Variants in CTXND1 observed in about 807,000 individuals in gnomAD.
The protein encoded by CTXND1 is cortexin domain containing 1.
chr15:80,205,398 T>C (rs146142466), intron 1 of CTXND1, among the ~76,000 whole-genome samples: 74 of 152,376 alleles, frequency 4.9e-4, no homozygotes, highest in African/African-American at 1.7e-3. Flanking sequence ...AAATTCATTT[T>C]AATTCTGATT....
chr15:80,221,100 G>A (rs1437022923), intron 1 of CTXND1, among the ~76,000 whole-genome samples: 2 of 151,952 alleles, frequency 1.3e-5, no homozygotes, highest in East Asian at 1.9e-4. Flanking sequence ...TAGTAGAGAC[G>A]GGGTTTCACC....
At position 80,198,246 on chromosome 15, in the gene CTXND1, A is replaced by G. The variant is rs1418133010; in HGVS notation, c.*3524T>C. 6.6e-6 allele frequency: 1 copy of G among 152,198 alleles called. No individual in the cohort carries two copies. The highest frequency in any genetic ancestry group is 1.5e-5 in the Non-Finnish European group (1 of 68,054). 9.4% of individuals were successfully genotyped at this position (152,198 alleles called of 1,614,324 possible). ...AGAGGGCTTGGGGCAACATGAAGGG[A>G]GTGTAGCTGAGCACAGTACAAGCAA... On this transcript the variant is annotated 3_prime_UTR_variant, in exon 3 of 3. Coordinates refer to ENST00000560778, the MANE Select transcript of CTXND1 (RefSeq NM_001352888.2).
chr15:80,236,277 A>G (rs1477016758), intron 1 of CTXND1, among the ~76,000 whole-genome samples: 1 of 152,072 alleles, frequency 6.6e-6, no homozygotes, highest in Non-Finnish European at 1.5e-5. Flanking sequence ...AAACGATTAA[A>G]ATCATGACAC....
chr15:80,221,054 A>C (rs545378428), intron 1 of CTXND1, among the ~76,000 whole-genome samples: 2 of 151,528 alleles, frequency 1.3e-5, no homozygotes, highest in African/African-American at 4.8e-5. Flanking sequence ...GACTACAGGC[A>C]CCCGCCACCA....
At chr15:80,216,209 A>T (rs910499906) in intron 1 of CTXND1, among the ~76,000 whole-genome samples, 4 of 152,168 alleles carry the variant, frequency 2.6e-5, no homozygotes, top group Admixed American at 2.6e-4. Context: ...CATCAACCAT[A>T]TGTTTTCTGG....
At chr15:80,206,164 C>T (rs1033303973) in intron 1 of CTXND1, among the ~76,000 whole-genome samples, 10 of 152,166 alleles carry the variant, frequency 6.6e-5, no homozygotes, top group African/African-American at 2.2e-4. Context: ...CAAAGTAAGA[C>T]GCAAACATTA....
At chr15:80,237,336 G>GAAAAAAAAAAAAAA (rs201997173) in intron 1 of CTXND1, among the ~76,000 whole-genome samples, 1 of 101,584 alleles carries the variant, frequency 9.8e-6, no homozygotes, top group African/African-American at 3.8e-5. Flanking sequence ...CAGTGTCTCA[G>GAAAAAAAAAAAAAA]AAAAAAAAAA....
chr15:80,204,163 AAAAAAAATAT>A (rs1893118811), intron 1 of CTXND1, among the ~76,000 whole-genome samples: 1 of 33,906 alleles, frequency 2.9e-5, no homozygotes, highest in Non-Finnish European at 4.9e-5. Context: ...AAAAAAAAAA[AAAAAAAATAT>A]ATATATATAT....
intron 1 of CTXND1, among the ~76,000 whole-genome samples, chr15:80,250,297 T>C (rs546182957): frequency 4.1e-4 from 63 of 152,198 alleles, no homozygotes; most frequent in Non-Finnish European, 7.9e-4. Context: ...AATCACAATT[T>C]ATAAGCAAGC....
At chr15:80,229,920 C>T (rs1182794008) in intron 1 of CTXND1, among the ~76,000 whole-genome samples, 2 of 152,206 alleles carry the variant, frequency 1.3e-5, no homozygotes, top group Non-Finnish European at 2.9e-5. Flanking sequence ...ATTCTCCTTT[C>T]ACCTCAGGCT....
At chr15:80,225,801 A>G (rs764674479) in intron 1 of CTXND1, among the ~76,000 whole-genome samples, 2 of 152,052 alleles carry the variant, frequency 1.3e-5, no homozygotes, top group African/African-American at 4.8e-5. Context: ...CTTCATTGCC[A>G]TTTTTAAATT....
At chr15:80,218,044 T>C (rs57781963) in intron 1 of CTXND1, among the ~76,000 whole-genome samples, 8,528 of 152,294 alleles carry the variant, frequency 0.056, 712 homozygotes, top group African/African-American at 0.18. Context: ...TGGGAAATTG[T>C]CCATATTATG....
chr15:80,240,410 G>C (rs1237230437), intron 1 of CTXND1, among the ~76,000 whole-genome samples: 1 of 152,180 alleles, frequency 6.6e-6, no homozygotes, highest in East Asian at 1.9e-4. Context: ...AGGCGTCCCA[G>C]ATTGGAACAT....
intron 1 of CTXND1, among the ~76,000 whole-genome samples, chr15:80,230,222 C>T: frequency 6.6e-6 from 1 of 152,172 alleles, no homozygotes; most frequent in East Asian, 1.9e-4. Context: ...TACAGTGCAT[C>T]TTGCTGTGCA....
intron 1 of CTXND1, among the ~76,000 whole-genome samples, chr15:80,210,105 T>G (rs1893190047): frequency 6.6e-6 from 1 of 152,234 alleles, no homozygotes; most frequent in African/African-American, 2.4e-5. Flanking sequence ...TTGCCCCTGA[T>G]CATCTGGTAA....
chr15:80,225,121 C>T (rs1395565360), intron 1 of CTXND1, among the ~76,000 whole-genome samples: 4 of 152,196 alleles, frequency 2.6e-5, no homozygotes, highest in African/African-American at 2.4e-5. Flanking sequence ...ACACAGATTT[C>T]TAGGTTCAAG....
intron 2 of CTXND1, among the ~76,000 whole-genome samples, chr15:80,202,984 C>T (rs1488430468): frequency 6.6e-6 from 1 of 152,204 alleles, no homozygotes; most frequent in Admixed American, 6.5e-5. Context: ...TCTCTGGGTC[C>T]TAATTTCCTC....
chr15:80,227,809 G>A (rs933613577), intron 1 of CTXND1, among the ~76,000 whole-genome samples: 2 of 152,204 alleles, frequency 1.3e-5, no homozygotes, highest in African/African-American at 4.8e-5. Context: ...TAATCAGGGT[G>A]GCGGTTACTG....
At chr15:80,216,482 A>G (rs1893254837) in intron 1 of CTXND1, among the ~76,000 whole-genome samples, 1 of 152,222 alleles carries the variant, frequency 6.6e-6, no homozygotes, top group Non-Finnish European at 1.5e-5. Context: ...CAGCAGGGGG[A>G]CCAACAAACT....
Sources: allele counts gnomAD v4.1 joint callset (sites outside exome capture counted in the v4.1 genomes callset), GRCh38; gene constraint gnomAD v4.1.1; transcripts MANE v1.5; gene names NCBI Gene and HGNC (gene_info 2026-07-23, HGNC 2026-07-21).